The following KDM6A variants were observed in gnomAD, a reference collection of about 807,000 sequenced individuals.
KDM6A encodes lysine-specific demethylase 6A.
KDM6A carries 11 observed loss-of-function variants against 117.6 expected under a neutral mutation model. That is an observed-to-expected ratio of 0.09 (90% CI 0.06 to 0.15). KDM6A has a LOEUF of 0.15. KDM6A is among the 10% of genes least tolerant of loss of function. The pLI, the probability that KDM6A is intolerant of heterozygous loss-of-function variation, is 1.00. For missense variants in KDM6A, 799 were observed against 1,077.3 expected (o/e 0.74, Z 3.62); for synonymous variants, 384 against 396.1 (o/e 0.97, Z 0.36).
In KDM6A at chrX:45,069,743, C is replaced by T. The variant is rs1445693571; in HGVS notation, c.2244C>T (p.Leu748=). ...ATTCAGTAACACAGGGGGCTGCTCT[C>T]AATCACCTCTCCTCTCACACTGCTA... ...PSNSVTQGAA[L]NHLSSHTATS... is the part of the protein sequence containing the mutation. The change falls in exon 18 of 30, where the codon CTC becomes CTT. Residue 748 remains leucine, a synonymous_variant. Transcript: ENST00000611820. 2 of 1,210,326 alleles carry T rather than the reference C, an allele frequency of 1.7e-6. No homozygotes were observed.
At chrX:44,939,985 G>C (rs1194613896) in intron 2 of KDM6A, among the ~76,000 whole-genome samples, 1 of 112,372 alleles carries the variant, frequency 8.9e-6, no homozygotes, top group African/African-American at 3.2e-5. Flanking sequence ...TCACTTTGTT[G>C]TGATAATTCT....
At chrX:44,969,408 T>TA (rs2039202913) in intron 3 of KDM6A, among the ~76,000 whole-genome samples, 1 of 92,560 alleles carries the variant, frequency 1.1e-5, no homozygotes, top group Non-Finnish European at 2.1e-5. Flanking sequence ...TTTCTCTTTT[T>TA]ATCTTTTTTT....
intron 17 of KDM6A, among the ~76,000 whole-genome samples, chrX:45,067,692 G>A (rs1298132754): frequency 4.3e-5 from 4 of 92,425 alleles, no homozygotes; most frequent in Admixed American, 2.6e-4. Flanking sequence ...TGGCTCTGTC[G>A]CCAAGCCTGG....
intron 8 of KDM6A, among the ~76,000 whole-genome samples, chrX:45,039,683 G>C (rs1156792457): frequency 1.3e-5 from 1 of 75,760 alleles, no homozygotes; most frequent in African/African-American, 4.9e-5. Flanking sequence ...GTGTCCCTGG[G>C]TACTTAAGAT....
At chrX:45,096,967 C>G (rs983085265) in intron 27 of KDM6A, among the ~76,000 whole-genome samples, 6 of 111,955 alleles carry the variant, frequency 5.4e-5, no homozygotes, top group Non-Finnish European at 1.1e-4. Context: ...AACCTAAATG[C>G]TCATCAGTGG....
chrX:45,084,165 T>G (rs2045550046), intron 24 of KDM6A, among the ~76,000 whole-genome samples: 1 of 112,114 alleles, frequency 8.9e-6, no homozygotes, highest in Non-Finnish European at 1.9e-5. Context: ...GTCTAGACTT[T>G]GCCACTAATT....
At chrX:44,893,576 C>G (rs2033569808) in intron 2 of KDM6A, among the ~76,000 whole-genome samples, 1 of 99,023 alleles carries the variant, frequency 1.0e-5, no homozygotes, top group Non-Finnish European at 2.0e-5. Flanking sequence ...GTGGTGCAAT[C>G]TGGGCTCACC....
chrX:44,989,164 A>G (rs991699272), intron 4 of KDM6A, among the ~76,000 whole-genome samples: 5 of 102,209 alleles, frequency 4.9e-5, no homozygotes, highest in Non-Finnish European at 9.9e-5. Context: ...CTGCTGTGCT[A>G]GCATCAAGTG....
At chrX:45,084,617 CCTTTTTT>C (rs959646429) in intron 24 of KDM6A, among the ~76,000 whole-genome samples, 8 of 111,327 alleles carry the variant, frequency 7.2e-5, no homozygotes, top group African/African-American at 1.6e-4. Context: ...ATTCTCTTGT[CCTTTTTT>C]CTTTTTTCTT....
intron 19 of KDM6A, 110 bp downstream of exon 19, chrX:45,076,936 C>A: frequency 4.1e-6 from 3 of 734,090 alleles, no homozygotes; most frequent in South Asian, 2.5e-5. Flanking sequence ...CAATTATTGG[C>A]AGCAGATTAA....
At chrX:45,038,751 C>T (rs2042925406) in intron 8 of KDM6A, among the ~76,000 whole-genome samples, 1 of 110,033 alleles carries the variant, frequency 9.1e-6, no homozygotes, top group South Asian at 3.9e-4. Flanking sequence ...CACATGTATC[C>T]CAGAACTTAA....
At chrX:45,105,171 G>A (rs2046480757) in intron 27 of KDM6A, among the ~76,000 whole-genome samples, 1 of 111,616 alleles carries the variant, frequency 9.0e-6, no homozygotes, top group African/African-American at 3.3e-5. Flanking sequence ...GGGTTACAGT[G>A]TGAGATAGTA....
chrX:44,886,661 G>A (rs941152739), intron 2 of KDM6A, among the ~76,000 whole-genome samples: 7 of 107,456 alleles, frequency 6.5e-5, no homozygotes, highest in Non-Finnish European at 1.3e-4. Context: ...TGCTGATTTT[G>A]TGTATTTTTA....
At chrX:44,994,701 G>T (rs984419558) in intron 4 of KDM6A, among the ~76,000 whole-genome samples, 1 of 111,752 alleles carries the variant, frequency 8.9e-6, no homozygotes. Context: ...ATGGAGCAAT[G>T]GTGAGCGCAC....
chrX:45,031,277 G>A (rs767079580), intron 6 of KDM6A, among the ~76,000 whole-genome samples: 2 of 111,594 alleles, frequency 1.8e-5, no homozygotes, highest in African/African-American at 6.5e-5. Flanking sequence ...TCCTATTAAG[G>A]CATTAATTTC....
At chrX:44,992,195 A>G (rs1351159669) in intron 4 of KDM6A, among the ~76,000 whole-genome samples, 1 of 95,225 alleles carries the variant, frequency 1.1e-5, no homozygotes, top group Non-Finnish European at 2.1e-5. Flanking sequence ...ATTTAGCAAT[A>G]CTGTCTTCTT....
intron 4 of KDM6A, among the ~76,000 whole-genome samples, chrX:45,010,751 A>G (rs1483651716): frequency 8.9e-6 from 1 of 112,011 alleles, no homozygotes; most frequent in Non-Finnish European, 1.9e-5. Flanking sequence ...CTGCTAGTAA[A>G]TATTTTTATT....
chrX:44,919,360 C>T (rs1376551448), intron 2 of KDM6A, among the ~76,000 whole-genome samples: 2 of 110,781 alleles, frequency 1.8e-5, no homozygotes, highest in Non-Finnish European at 3.8e-5. Flanking sequence ...GAATACTGGT[C>T]AGGTGTATTA....
intron 2 of KDM6A, among the ~76,000 whole-genome samples, chrX:44,938,718 G>A (rs1369304875): frequency 8.9e-6 from 1 of 112,406 alleles, no homozygotes; most frequent in Non-Finnish European, 1.9e-5. Context: ...TAGAGGAAAA[G>A]TCAAGGCTTA....
Sources: gnomAD v4.1 joint callset for allele counts (sites outside exome capture counted in the v4.1 genomes callset) on GRCh38, gnomAD v4.1.1 for gene constraint, MANE v1.5 for transcripts, NCBI Gene and HGNC (gene_info 2026-07-23, HGNC 2026-07-21) for gene names.